Variants in ADAMTSL3 observed in about 807,000 individuals in gnomAD.
ADAMTSL3 encodes the protein ADAMTS-like protein 3.
Under a neutral mutation model 201.7 loss-of-function variants are expected in ADAMTSL3, and 128 were observed. The observed-to-expected ratio is 0.63, with a 90% CI of 0.55 to 0.73. The LOEUF is 0.73. Among genes scored for constraint, ADAMTSL3 ranks in the 30% least tolerant of loss-of-function variants. ADAMTSL3 has a pLI of 0.00. For synonymous variants in ADAMTSL3, 738 were observed against 748.4 expected (o/e 0.99, Z 0.23); for missense variants, 1,990 against 2,119.6 (o/e 0.94, Z 1.20).
At chr15:83,906,901 C>T (rs547142767) in intron 15 of ADAMTSL3, among the ~76,000 whole-genome samples, 1 of 151,390 alleles carries the variant, frequency 6.6e-6, no homozygotes, top group South Asian at 2.1e-4. Context: ...TATCTGAAGT[C>T]ATTCTGTGTT....
At chr15:83,748,564 C>G (rs8033205) in intron 3 of ADAMTSL3, among the ~76,000 whole-genome samples, 40,310 of 148,128 alleles carry the variant, frequency 0.27, 5,649 homozygotes, top group South Asian at 0.56. Flanking sequence ...GTGGGAGAAT[C>G]ACTTTACTCT....
At chr15:83,822,172 G>A (rs1265176568) in intron 6 of ADAMTSL3, among the ~76,000 whole-genome samples, 1 of 149,666 alleles carries the variant, frequency 6.7e-6, no homozygotes, top group African/African-American at 2.5e-5. Flanking sequence ...GGCCTGGCGG[G>A]GGCTGACCCC....
intron 27 of ADAMTSL3, among the ~76,000 whole-genome samples, chr15:84,030,259 C>A (rs2068379404): frequency 6.6e-6 from 1 of 152,154 alleles, no homozygotes; most frequent in South Asian, 2.1e-4. Context: ...TCACTTAACA[C>A]CAGCCCATGA....
At chr15:83,922,481 C>G (rs1404749885) in intron 16 of ADAMTSL3, among the ~76,000 whole-genome samples, 1 of 152,018 alleles carries the variant, frequency 6.6e-6, no homozygotes, top group Non-Finnish European at 1.5e-5. Flanking sequence ...GGATTTTTCT[C>G]AGATTTAAAA....
chr15:83,757,994 G>C lies in ADAMTSL3; in HGVS notation c.190-15529G>C, dbSNP rs190527903. Among the ~76,000 whole-genome samples, 15 of 152,210 alleles carry C rather than the reference G, an allele frequency of 9.9e-5. No individual in the cohort carries two copies. The East Asian group carries it at 2.9e-3, about 29-fold the overall frequency. On this transcript the variant is annotated intron_variant, in intron 3 of 29. Coordinates refer to ENST00000286744, the MANE Select transcript of ADAMTSL3 (RefSeq NM_207517.3). ...GATTTCATTGTCCATATCATTATCG[G>C]CATTTTGGTCAAAGCCATTCAACAA...
intron 19 of ADAMTSL3, among the ~76,000 whole-genome samples, chr15:83,956,779 C>G (rs2066871018): frequency 6.6e-6 from 1 of 152,030 alleles, no homozygotes; most frequent in Non-Finnish European, 1.5e-5. Context: ...TGTTTGTATC[C>G]CACTTGGTGC....
chr15:83,891,128 C>T, intron 11 of ADAMTSL3: 1 of 518,594 alleles, frequency 1.9e-6, no homozygotes, highest in South Asian at 2.8e-5. Context: ...TCAAATAGAA[C>T]TGGGGAATTT....
intron 3 of ADAMTSL3, among the ~76,000 whole-genome samples, chr15:83,743,297 A>C (rs1267029388): frequency 6.6e-6 from 1 of 151,970 alleles, no homozygotes; most frequent in African/African-American, 2.4e-5. Context: ...GTGGATCATG[A>C]GGTCAGGAGA....
chr15:83,853,353 CT>C (rs2064660011), intron 7 of ADAMTSL3, among the ~76,000 whole-genome samples: 1 of 152,070 alleles, frequency 6.6e-6, no homozygotes, highest in Admixed American at 6.6e-5. Context: ...CTTGGCTAAT[CT>C]TTTAAAAACT....
At chr15:83,784,999 A>G (rs59095124) in intron 4 of ADAMTSL3, among the ~76,000 whole-genome samples, 38 of 152,260 alleles carry the variant, frequency 2.5e-4, no homozygotes, top group African/African-American at 8.2e-4. Flanking sequence ...GCATTATTTC[A>G]ATGCTGATTG....
chr15:83,736,770 C>G (rs1426207956), intron 3 of ADAMTSL3, among the ~76,000 whole-genome samples: 1 of 152,202 alleles, frequency 6.6e-6, no homozygotes, highest in African/African-American at 2.4e-5. Flanking sequence ...CCAGAGACCT[C>G]TAGGAGAGAT....
At chr15:83,689,431 G>C (rs189775596) in intron 2 of ADAMTSL3, among the ~76,000 whole-genome samples, 1 of 152,300 alleles carries the variant, frequency 6.6e-6, no homozygotes, top group Admixed American at 6.5e-5. Flanking sequence ...ATTTGAGTAT[G>C]TATCCCTAAA....
intron 5 of ADAMTSL3, among the ~76,000 whole-genome samples, chr15:83,819,150 G>T (rs962285355): frequency 6.6e-6 from 1 of 151,230 alleles, no homozygotes. Context: ...GGCGCCTGTA[G>T]TCCCAGCTAC....
rs776665145 is a variant in ADAMTSL3 at position 83,982,715 on chromosome 15, A to C, written c.3087A>C (p.Thr1029=). The C allele has an allele frequency of 6.2e-7, 1 of 1,613,988 alleles. No homozygotes were observed. Among genetic ancestry groups the C allele is most frequent in the African/African-American group, 1.3e-5 (1 of 74,916 alleles). ...GCGAAGCCAATAGTTTGGGAGTCAC[A>C]TGGCACAAAATGAGGCAAATGTGGA... ...DHSEANSLGV[T]WHKMRQMWNN... Residue 1029 remains threonine, a synonymous_variant, in exon 21 of 30, where the codon ACA becomes ACC. Coordinates refer to ENST00000286744, the MANE Select transcript of ADAMTSL3 (RefSeq NM_207517.3).
intron 3 of ADAMTSL3, among the ~76,000 whole-genome samples, chr15:83,765,741 T>C (rs1249537673): frequency 6.6e-6 from 1 of 152,166 alleles, no homozygotes; most frequent in Admixed American, 6.5e-5. Flanking sequence ...TAGCTAGAGC[T>C]TTACTTAGGA....
intron 16 of ADAMTSL3, among the ~76,000 whole-genome samples, chr15:83,919,871 A>G (rs889851420): frequency 6.6e-6 from 1 of 152,170 alleles, no homozygotes; most frequent in African/African-American, 2.4e-5. Flanking sequence ...TGTAATAAGC[A>G]GGGAAAAGGC....
intron 2 of ADAMTSL3, among the ~76,000 whole-genome samples, chr15:83,661,555 G>C (rs1305713220): frequency 6.6e-6 from 1 of 152,070 alleles, no homozygotes; most frequent in Non-Finnish European, 1.5e-5. Context: ...TTGTGAACGG[G>C]AGTTCACTCA....
chr15:83,910,742 C>G (rs2065916422), intron 15 of ADAMTSL3, among the ~76,000 whole-genome samples: 2 of 151,056 alleles, frequency 1.3e-5, no homozygotes, highest in Non-Finnish European at 2.9e-5. Flanking sequence ...TCAGGCGATT[C>G]TCCTGCCTCA....
intron 7 of ADAMTSL3, among the ~76,000 whole-genome samples, chr15:83,857,367 T>C (rs1295027141): frequency 6.6e-6 from 1 of 152,204 alleles, no homozygotes; most frequent in Non-Finnish European, 1.5e-5. Context: ...GCTTTTAGTG[T>C]CATATCCAAG....
Sources: gnomAD v4.1 joint callset for allele counts (sites outside exome capture counted in the v4.1 genomes callset) on GRCh38, gnomAD v4.1.1 for gene constraint, MANE v1.5 for transcripts, NCBI Gene and HGNC (gene_info 2026-07-23, HGNC 2026-07-21) for gene names.